The following QRSL1 variants were observed in gnomAD, a reference collection of about 807,000 sequenced individuals.
QRSL1 encodes the protein glutaminyl-tRNA amidotransferase subunit QRSL1.
Under a neutral mutation model 61.6 loss-of-function variants are expected in QRSL1, and 54 were observed. That is an observed-to-expected ratio of 0.88 (90% CI 0.70 to 1.10). QRSL1 has a LOEUF of 1.10. Ranked by LOEUF, QRSL1 falls within the 50% of genes least tolerant of loss-of-function variation. The pLI, the probability that QRSL1 is intolerant of heterozygous loss-of-function variation, is 0.00. For missense variants in QRSL1, 505 were observed against 622.6 expected (o/e 0.81, Z 2.01); for synonymous variants, 228 against 225.7 (o/e 1.01, Z -0.09).
chr6:106,665,016 T>G lies in QRSL1; in HGVS notation c.1367-766T>G, dbSNP rs575695456. 3.1e-4 allele frequency among the ~76,000 whole-genome samples: 47 copies of G among 152,300 alleles called. 1 individual carries two copies. Among genetic ancestry groups the G allele is most frequent in the Admixed American group, 1.2e-3 (19 of 15,306 alleles). The stretch of plus-strand genomic sequence containing the variant: ...GTATTCTCTAAAGAAGAGCCTTCCT[T>G]TTTTTCTTTAATTCAATGTATTATA... On this transcript the variant is annotated intron_variant, in intron 10 of 10. Coordinates refer to ENST00000369046, the MANE Select transcript of QRSL1 (RefSeq NM_018292.5).
intron 3 of QRSL1, among the ~76,000 whole-genome samples, chr6:106,641,275 A>G (rs1382864556): frequency 6.6e-6 from 1 of 152,206 alleles, no homozygotes; most frequent in Non-Finnish European, 1.5e-5. Flanking sequence ...CCTGGGCAAC[A>G]TAGTGAGACC....
chr6:106,635,656 C>T (rs537396957), intron 1 of QRSL1, among the ~76,000 whole-genome samples: 11 of 152,086 alleles, frequency 7.2e-5, no homozygotes, highest in Non-Finnish European at 1.5e-4. Context: ...GGGCAGATCA[C>T]GAGGTCAGGA....
Position 106,652,467 on chromosome 6 carries a change from G to T in QRSL1, c.734G>T (p.Gly245Val). ...CATTCATAAGTATTGCTCCTTACAG[G>T]TGCACTGGCCGGACCTGACCCCAGG... ...RCVDDAAIVL[G>V]ALAGPDPRDS... The change falls in exon 7 of 11, where the codon GGT becomes GTT. Residue 245 changes from glycine (G) to valine (V), a missense_variant and splice_region_variant. By Grantham distance (109) the Gly-to-Val change is moderately radical (BLOSUM62 -3). Coordinates refer to ENST00000369046, the MANE Select transcript of QRSL1 (RefSeq NM_018292.5). The T allele has an allele frequency of 6.2e-7, 1 of 1,614,104 alleles. No individual in the cohort carries two copies. The highest frequency in any genetic ancestry group is 8.5e-7 in the Non-Finnish European group (1 of 1,179,984).
intron 9 of QRSL1, among the ~76,000 whole-genome samples, chr6:106,661,297 A>T (rs1290914278): frequency 6.6e-6 from 1 of 151,938 alleles, no homozygotes; most frequent in African/African-American, 2.4e-5. Context: ...TTGTATTTTT[A>T]GTAGAGTCAG....
In QRSL1 at chr6:106,639,116, G is replaced by GTTTTTTTTTTTT. The variant is rs1554200732; in HGVS notation, c.25-1231_25-1230insTTTTTTTTTTTT. Among the ~76,000 whole-genome samples, 139 of 54,342 alleles carry GTTTTTTTTTTTT rather than the reference G, an allele frequency of 2.6e-3. 9 individuals are homozygous for GTTTTTTTTTTTT. Among genetic ancestry groups the GTTTTTTTTTTTT allele is most frequent in the East Asian group, 0.015 (37 of 2,520 alleles). 35.7% of individuals were successfully genotyped at this position (54,342 alleles called of 152,430 possible). A position where few individuals can be genotyped will look rare whatever the true frequency, so the allele number is the denominator to read the frequency against. The stretch of plus-strand genomic sequence containing the variant: ...ACTTGTGTGGTTATTTGTGTGTTTT[G>GTTTTTTTTTTTT]TTGTTTTTTTTTTTTTTTTTTTTTT... On this transcript the variant is annotated intron_variant, in intron 1 of 10. Coordinates refer to ENST00000369046, the MANE Select transcript of QRSL1 (RefSeq NM_018292.5).
intron 1 of QRSL1, among the ~76,000 whole-genome samples, chr6:106,630,626 C>T (rs766726008): frequency 1.5e-4 from 23 of 152,176 alleles, no homozygotes; most frequent in Non-Finnish European, 2.9e-4. Context: ...GAAACTAAAA[C>T]TATGCCCCAC....
intron 7 of QRSL1, 133 bp downstream of exon 7, chr6:106,652,715 C>T (rs772690877): frequency 6.5e-7 from 1 of 1,548,226 alleles, no homozygotes; most frequent in South Asian, 1.2e-5. Context: ...GAGTATGTGA[C>T]TTAATCTCTT....
chr6:106,634,777 G>A (rs1776895615), intron 1 of QRSL1, among the ~76,000 whole-genome samples: 1 of 151,626 alleles, frequency 6.6e-6, no homozygotes, highest in South Asian at 2.1e-4. Context: ...AAAAAAAAAA[G>A]CAAGAAAGCA....
In QRSL1 at chr6:106,655,627, A is replaced by G. The variant is rs760888652; in HGVS notation, c.1055A>G (p.Asp352Gly). 1.2e-6 allele frequency: 2 copies of G among 1,608,128 alleles called. No homozygotes were observed. Among genetic ancestry groups the G allele is most frequent in the African/African-American group, 2.7e-5 (2 of 74,718 alleles). The change falls in exon 9 of 11, where the codon GAC becomes GGC. Residue 352 changes from aspartate (D) to glycine (G), a missense_variant. Coordinates refer to ENST00000369046, the MANE Select transcript of QRSL1 (RefSeq NM_018292.5). Reference sequence around the variant, plus strand: ...TTCTTGTTTTCAGGTCACAGATGTGACATTGATGTGTCCACTGAAGCCATG... The same window carrying G: ...TTCTTGTTTTCAGGTCACAGATGTGGCATTGATGTGTCCACTGAAGCCATG... ...FDGLQYGHRC[D>G]IDVSTEAMYA...
chr6:106,642,525 G>T, intron 3 of QRSL1: 1 of 701,630 alleles, frequency 1.4e-6, no homozygotes, highest in South Asian at 1.5e-5. Context: ...TTACAAAACA[G>T]GGAGTTGTTT....
At chr6:106,640,756 A>G (rs1188545607) in intron 2 of QRSL1, 67 bp from the exon 3 acceptor site, 6 of 1,344,252 alleles carry the variant, frequency 4.5e-6, no homozygotes, top group African/African-American at 1.4e-5. Context: ...TACTGTAATA[A>G]CATGTATTCA....
At chr6:106,662,644 G>A (rs899172521) in intron 9 of QRSL1, among the ~76,000 whole-genome samples, 10 of 152,206 alleles carry the variant, frequency 6.6e-5, no homozygotes, top group Non-Finnish European at 2.9e-5. Flanking sequence ...CAGGGCAGAA[G>A]ATGTCAGGCC....
intron 9 of QRSL1, among the ~76,000 whole-genome samples, chr6:106,661,968 C>G (rs968577681): frequency 6.6e-6 from 1 of 152,104 alleles, no homozygotes; most frequent in African/African-American, 2.4e-5. Flanking sequence ...ACCTCGGCCT[C>G]CCAAAGTGCT....
chr6:106,661,780 C>T (rs755467306), intron 9 of QRSL1, among the ~76,000 whole-genome samples: 2 of 140,894 alleles, frequency 1.4e-5, no homozygotes, highest in Non-Finnish European at 3.0e-5. Flanking sequence ...GGAGCGATCC[C>T]AGCTCACTAC....
At chr6:106,637,500 TG>T (rs1469826521) in intron 1 of QRSL1, among the ~76,000 whole-genome samples, 2 of 152,122 alleles carry the variant, frequency 1.3e-5, no homozygotes, top group African/African-American at 4.8e-5. Flanking sequence ...GTCAGCATAC[TG>T]GGGAGCGTGG....
chr6:106,648,978 A>G, intron 4 of QRSL1, 47 bp from the exon 5 acceptor site: 1 of 1,545,696 alleles, frequency 6.5e-7, no homozygotes, highest in South Asian at 1.2e-5. Context: ...AAATTTTCAC[A>G]TAAAATGAAA....
intron 4 of QRSL1, among the ~76,000 whole-genome samples, chr6:106,648,544 A>AC (rs1240322433): frequency 6.6e-6 from 1 of 152,170 alleles, no homozygotes; most frequent in Non-Finnish European, 1.5e-5. Flanking sequence ...TAAAATGTTG[A>AC]CCGTAGGTAT....
chr6:106,644,920 T>G (rs1777084984), intron 4 of QRSL1, among the ~76,000 whole-genome samples: 1 of 152,238 alleles, frequency 6.6e-6, no homozygotes. Flanking sequence ...AATTAGATTT[T>G]CGTATATAGT....
In QRSL1 at chr6:106,666,551, T is replaced by C. The variant is rs1184024246; in HGVS notation, c.*549T>C. 1 of 157,526 alleles carries C rather than the reference T, an allele frequency of 6.3e-6. No homozygotes were observed. Among genetic ancestry groups the C allele is most frequent in the African/African-American group, 2.4e-5 (1 of 41,458 alleles). The allele number at this position is 157,526 out of a possible 1,614,324, so 9.8% of individuals were successfully genotyped here. A position where few individuals can be genotyped will look rare whatever the true frequency, so the allele number is the denominator to read the frequency against. On this transcript the variant is annotated 3_prime_UTR_variant, in exon 11 of 11. Coordinates refer to ENST00000369046, the MANE Select transcript of QRSL1 (RefSeq NM_018292.5). Reference sequence around the variant, plus strand: ...CAAGATACCTGTTCCTCAAAGACAATGCATTCTGCCATAATGTTCATTAAA... The same window carrying C: ...CAAGATACCTGTTCCTCAAAGACAACGCATTCTGCCATAATGTTCATTAAA...
Sources: gnomAD v4.1 joint callset for allele counts (sites outside exome capture counted in the v4.1 genomes callset) on GRCh38, gnomAD v4.1.1 for gene constraint, MANE v1.5 for transcripts, NCBI Gene and HGNC (gene_info 2026-07-23, HGNC 2026-07-21) for gene names.